Variants in SDCCAG8 observed in about 807,000 individuals in gnomAD.
SDCCAG8 encodes serologically defined colon cancer antigen 8.
In SDCCAG8, 74 loss-of-function variants were observed where a neutral mutation model predicts 101.8. That is an observed-to-expected ratio of 0.73 (90% CI 0.60 to 0.88). SDCCAG8 has a LOEUF of 0.88. Ranked by LOEUF, SDCCAG8 falls within the 40% of genes least tolerant of loss-of-function variation. The pLI is 0.00. For missense variants in SDCCAG8, 787 were observed against 822.6 expected (o/e 0.96, Z 0.53); for synonymous variants, 281 against 292.9 (o/e 0.96, Z 0.41).
chr1:243,331,874 G>A lies in SDCCAG8; in HGVS notation c.1221+1182G>A, dbSNP rs548542500. Among the ~76,000 whole-genome samples, 23 of 139,228 alleles carry A rather than the reference G, an allele frequency of 1.7e-4. No homozygotes were observed. In the East Asian group the frequency reaches 3.3e-3, roughly 20 times the overall value. The allele number at this position is 139,228 out of a possible 152,430, so 91.3% of individuals were successfully genotyped here. A position where few individuals can be genotyped will look rare whatever the true frequency, so the allele number is the denominator to read the frequency against. On this transcript the variant is annotated intron_variant, in intron 10 of 17. Transcript: ENST00000366541. ...GTTTCCTCATGAAGCTTACAAACTCGTAGGAGAAGTAGATGTTACACAAAT... is the reference window on the plus strand; with the variant it reads ...GTTTCCTCATGAAGCTTACAAACTCATAGGAGAAGTAGATGTTACACAAAT...
At chr1:243,437,575 C>T (rs1231877430) in intron 16 of SDCCAG8, among the ~76,000 whole-genome samples, 2 of 142,318 alleles carry the variant, frequency 1.4e-5, no homozygotes, top group Admixed American at 7.4e-5. Flanking sequence ...CTCGCTCTGT[C>T]GCCCAGGCTG....
At chr1:243,359,571 C>T (rs371069712) in intron 12 of SDCCAG8, among the ~76,000 whole-genome samples, 1 of 152,132 alleles carries the variant, frequency 6.6e-6, no homozygotes, top group Non-Finnish European at 1.5e-5. Context: ...CTGTGTGTAC[C>T]TGGAGGGCAC....
At chr1:243,457,982 C>G (rs1174405028) in intron 16 of SDCCAG8, among the ~76,000 whole-genome samples, 1 of 152,230 alleles carries the variant, frequency 6.6e-6, no homozygotes, top group Non-Finnish European at 1.5e-5. Flanking sequence ...AGGCATCACT[C>G]TCTGGCAGAA....
At chr1:243,354,946 A>C (rs2076300201) in intron 12 of SDCCAG8, among the ~76,000 whole-genome samples, 1 of 152,142 alleles carries the variant, frequency 6.6e-6, no homozygotes, top group Non-Finnish European at 1.5e-5. Context: ...CCACGCTACA[A>C]AGAGATTCCT....
intron 1 of SDCCAG8, among the ~76,000 whole-genome samples, chr1:243,262,989 A>C (rs540255720): frequency 6.6e-6 from 1 of 152,342 alleles, no homozygotes; most frequent in South Asian, 2.1e-4. Context: ...TATAACACCT[A>C]TTCCTGACAC....
chr1:243,315,759 C>T (rs2073177940), intron 8 of SDCCAG8, among the ~76,000 whole-genome samples: 1 of 152,146 alleles, frequency 6.6e-6, no homozygotes, highest in Non-Finnish European at 1.5e-5. Context: ...GCCCTTTTCT[C>T]ATAGTTTAGA....
At chr1:243,445,016 A>G (rs2148108972) in intron 16 of SDCCAG8, among the ~76,000 whole-genome samples, 1 of 152,266 alleles carries the variant, frequency 6.6e-6, no homozygotes, top group East Asian at 1.9e-4. Flanking sequence ...ATATGTGGTT[A>G]CTTTTATATT....
intron 9 of SDCCAG8, among the ~76,000 whole-genome samples, chr1:243,325,645 TG>T (rs2074093418): frequency 6.6e-6 from 1 of 152,188 alleles, no homozygotes; most frequent in Admixed American, 6.5e-5. Context: ...AACATTCTTG[TG>T]TGGAACTACC....
intron 16 of SDCCAG8, among the ~76,000 whole-genome samples, chr1:243,453,910 A>C (rs2083548245): frequency 6.6e-6 from 1 of 152,212 alleles, no homozygotes; most frequent in African/African-American, 2.4e-5. Flanking sequence ...GTTTAGCAGC[A>C]AATTCCTACT....
chr1:243,332,912 C>T (rs1054339519), intron 10 of SDCCAG8, among the ~76,000 whole-genome samples: 12 of 152,078 alleles, frequency 7.9e-5, no homozygotes, highest in Non-Finnish European at 1.2e-4. Context: ...AGGTGATTAT[C>T]GTAGTCCAGG....
At chr1:243,386,846 A>T (rs965636386) in intron 13 of SDCCAG8, among the ~76,000 whole-genome samples, 2 of 152,120 alleles carry the variant, frequency 1.3e-5, no homozygotes, top group African/African-American at 4.8e-5. Flanking sequence ...CGTGACGGTG[A>T]ATTTTGGCTT....
chr1:243,391,729 C>A (rs1382392222), intron 13 of SDCCAG8, among the ~76,000 whole-genome samples: 1 of 152,174 alleles, frequency 6.6e-6, no homozygotes, highest in African/African-American at 2.4e-5. Context: ...AGGAGATTTA[C>A]CAAAAGAATG....
chr1:243,374,678 A>G (rs1323141302), intron 12 of SDCCAG8, among the ~76,000 whole-genome samples: 1 of 152,112 alleles, frequency 6.6e-6, no homozygotes, highest in African/African-American at 2.4e-5. Context: ...ACCTTTTCTT[A>G]TTAAAGCTAC....
intron 4 of SDCCAG8, among the ~76,000 whole-genome samples, chr1:243,284,938 A>C (rs2069455748): frequency 6.6e-6 from 1 of 151,594 alleles, no homozygotes; most frequent in South Asian, 2.1e-4. Flanking sequence ...GCTGGAGTGC[A>C]GTGGCGTGAT....
At chr1:243,361,083 C>A (rs929549922) in intron 12 of SDCCAG8, among the ~76,000 whole-genome samples, 10 of 152,164 alleles carry the variant, frequency 6.6e-5, no homozygotes, top group African/African-American at 1.9e-4. Flanking sequence ...CTCTTTTCAA[C>A]ATATTGCCAT....
At position 243,457,669 on chromosome 1, in the gene SDCCAG8, C is replaced by T. The variant is rs182871708; in HGVS notation, c.1985+31111C>T. ...TAGTATCTAAGTCCAATTTTTCATG[C>T]ATTTTATGAAGCTTTTGTCCTTAAC... On this transcript the variant is annotated intron_variant, in intron 16 of 17. Coordinates refer to ENST00000366541, the MANE Select transcript of SDCCAG8 (RefSeq NM_006642.5). Among the ~76,000 whole-genome samples the T allele has an allele frequency of 2.6e-5, 4 of 152,318 alleles. No individual in the cohort carries two copies. The East Asian group carries it at 5.8e-4, about 22-fold the overall frequency.
chr1:243,386,549 C>G (rs1354675648), intron 13 of SDCCAG8, among the ~76,000 whole-genome samples: 1 of 151,994 alleles, frequency 6.6e-6, no homozygotes, highest in African/African-American at 2.4e-5. Context: ...GTCAGGAGAT[C>G]AAGACCATCC....
At chr1:243,273,388 G>A (rs2068255255) in intron 3 of SDCCAG8, among the ~76,000 whole-genome samples, 1 of 152,014 alleles carries the variant, frequency 6.6e-6, no homozygotes, top group African/African-American at 2.4e-5. Context: ...TATGTGATGG[G>A]TATATGATTT....
At chr1:243,345,832 C>T in intron 12 of SDCCAG8, among the ~76,000 whole-genome samples, 1 of 152,094 alleles carries the variant, frequency 6.6e-6, no homozygotes, top group East Asian at 1.9e-4. Context: ...TTTAATTAAT[C>T]CGTGATGGTA....
Sources: gnomAD v4.1 joint callset for allele counts (sites outside exome capture counted in the v4.1 genomes callset) on GRCh38, gnomAD v4.1.1 for gene constraint, MANE v1.5 for transcripts, NCBI Gene and HGNC (gene_info 2026-07-23, HGNC 2026-07-21) for gene names.